The following HPSE2 variants were observed in gnomAD, a reference collection of about 807,000 sequenced individuals.
HPSE2 encodes the protein inactive heparanase-2.
Under a neutral mutation model 60.5 loss-of-function variants are expected in HPSE2, and 38 were observed. The ratio of observed to expected loss-of-function variants is 0.63; its 90% CI spans 0.48 to 0.82. HPSE2 has a LOEUF of 0.82. HPSE2 is among the 40% of genes least tolerant of loss of function. HPSE2 has a pLI of 0.00. For synonymous variants in HPSE2, 295 were observed against 293.2 expected (o/e 1.01, Z -0.06); for missense variants, 713 against 740.4 (o/e 0.96, Z 0.43).
intron 3 of HPSE2, among the ~76,000 whole-genome samples, chr10:99,016,113 G>T (rs1165417732): frequency 1.3e-5 from 2 of 152,290 alleles, no homozygotes; most frequent in East Asian, 3.9e-4. Flanking sequence ...ATCTTTGCCT[G>T]TGCCTATGTC....
chr10:98,965,170 T>C (rs1007909163), intron 3 of HPSE2, among the ~76,000 whole-genome samples: 4 of 152,180 alleles, frequency 2.6e-5, no homozygotes, highest in African/African-American at 9.7e-5. Context: ...CTGATCAAAA[T>C]AATCTTTAAT....
chr10:98,991,602 T>C (rs138891067), intron 3 of HPSE2, among the ~76,000 whole-genome samples: 2 of 152,268 alleles, frequency 1.3e-5, no homozygotes, highest in African/African-American at 4.8e-5. Flanking sequence ...GAGAAGCCAC[T>C]AACAGGTTTT....
intron 9 of HPSE2, among the ~76,000 whole-genome samples, chr10:98,509,086 C>T (rs1942298419): frequency 6.6e-6 from 1 of 152,166 alleles, no homozygotes; most frequent in South Asian, 2.1e-4. Flanking sequence ...GAGGCCGAGG[C>T]GGGTGCATCA....
chr10:99,184,647 T>C (rs1217674803), intron 2 of HPSE2, among the ~76,000 whole-genome samples: 1 of 145,978 alleles, frequency 6.9e-6, no homozygotes, highest in Non-Finnish European at 1.5e-5. Flanking sequence ...CTATAAAATG[T>C]ATAAAAGACA....
chr10:98,981,921 T>C (rs985078052), intron 3 of HPSE2, among the ~76,000 whole-genome samples: 4 of 152,116 alleles, frequency 2.6e-5, no homozygotes, highest in Non-Finnish European at 4.4e-5. Flanking sequence ...CTTGGAACAA[T>C]GCAATACCCT....
At chr10:98,461,969 T>G in intron 11 of HPSE2, 11 of 702,014 alleles carry the variant, frequency 1.6e-5, no homozygotes, top group Non-Finnish European at 2.5e-5. Flanking sequence ...GAAGATTCTC[T>G]ACTGAAATCT....
chr10:99,019,997 C>G (rs915907839), intron 3 of HPSE2, among the ~76,000 whole-genome samples: 1 of 152,058 alleles, frequency 6.6e-6, no homozygotes, highest in African/African-American at 2.4e-5. Flanking sequence ...CAGGTGTGAG[C>G]CACCGCACCG....
intron 2 of HPSE2, among the ~76,000 whole-genome samples, chr10:99,162,084 G>A (rs1488916469): frequency 6.6e-6 from 1 of 152,140 alleles, no homozygotes; most frequent in Non-Finnish European, 1.5e-5. Context: ...GCAATATGAT[G>A]AGTTCTGGAG....
chr10:99,236,113 C>A (rs770170741), upstream of HPSE2, among the ~76,000 whole-genome samples: 1 of 151,176 alleles, frequency 6.6e-6, no homozygotes, highest in Middle Eastern at 3.2e-3. Context: ...ACTCGTACAC[C>A]GGCACCGCCC....
intron 9 of HPSE2, among the ~76,000 whole-genome samples, chr10:98,567,464 T>C (rs910336278): frequency 2.6e-5 from 4 of 152,112 alleles, no homozygotes; most frequent in Non-Finnish European, 4.4e-5. Flanking sequence ...GAATTCTATG[T>C]GGGGTTTGCA....
intron 2 of HPSE2, among the ~76,000 whole-genome samples, chr10:99,207,914 A>T (rs984673303): frequency 5.9e-5 from 9 of 151,566 alleles, no homozygotes; most frequent in Non-Finnish European, 8.8e-5. Context: ...TTATACATAC[A>T]TACCTATGAT....
intron 2 of HPSE2, among the ~76,000 whole-genome samples, chr10:99,178,786 T>C (rs953868882): frequency 6.6e-6 from 1 of 152,192 alleles, no homozygotes; most frequent in Non-Finnish European, 1.5e-5. Flanking sequence ...AACATCATTC[T>C]GATACCAAAA....
At chr10:99,128,753 G>A (rs542118861) in intron 3 of HPSE2, among the ~76,000 whole-genome samples, 1 of 152,104 alleles carries the variant, frequency 6.6e-6, no homozygotes, top group East Asian at 1.9e-4. Context: ...CTAGGTGATG[G>A]GTTGATAGGC....
intron 3 of HPSE2, among the ~76,000 whole-genome samples, chr10:99,099,372 T>C (rs1444337069): frequency 2.0e-5 from 3 of 152,196 alleles, no homozygotes; most frequent in Non-Finnish European, 4.4e-5. Flanking sequence ...CAGGGACCCA[T>C]GCCCGTGGAG....
rs35772316 is a variant in HPSE2 at position 98,742,974 on chromosome 10, C to CTT, written c.784+907_784+908dup. Among the ~76,000 whole-genome samples, 69 of 99,766 alleles carry CTT rather than the reference C, an allele frequency of 6.9e-4. 1 individual carries two copies. Among genetic ancestry groups the CTT allele is most frequent in the African/African-American group, 9.3e-4 (25 of 26,876 alleles). The allele number at this position is 99,766 out of a possible 152,430, so 65.5% of individuals were successfully genotyped here. ...CTCTTCTTTTTTTTCCTTTTCTTTT[C>CTT]TTTTTTTTTTTTTTTTTTGAGATGG... is the stretch of plus-strand genomic sequence containing the variant. On this transcript the variant is annotated intron_variant, in intron 4 of 11. Coordinates refer to ENST00000370552, the MANE Select transcript of HPSE2 (RefSeq NM_021828.5).
At chr10:98,591,097 A>G (rs1357679948) in intron 9 of HPSE2, among the ~76,000 whole-genome samples, 2 of 143,278 alleles carry the variant, frequency 1.4e-5, no homozygotes, top group Admixed American at 1.5e-4. Context: ...ACATTTATTT[A>G]GATACAGGAA....
intron 3 of HPSE2, among the ~76,000 whole-genome samples, chr10:98,991,223 CA>C (rs1406392217): frequency 3.7e-4 from 56 of 152,158 alleles, no homozygotes; most frequent in African/African-American, 1.3e-3. Flanking sequence ...GCTAAACAAG[CA>C]TAAAATGTGA....
intron 3 of HPSE2, among the ~76,000 whole-genome samples, chr10:98,856,931 C>T (rs1010385102): frequency 6.6e-6 from 1 of 152,174 alleles, no homozygotes; most frequent in African/African-American, 2.4e-5. Flanking sequence ...CTGGCCAACA[C>T]TCAGTGACCC....
At chr10:99,202,113 A>G (rs539670074) in intron 2 of HPSE2, among the ~76,000 whole-genome samples, 2 of 152,366 alleles carry the variant, frequency 1.3e-5, no homozygotes, top group Non-Finnish European at 2.9e-5. Context: ...ATATATAGAT[A>G]GATAGAGATA....
Sources: allele counts gnomAD v4.1 joint callset (sites outside exome capture counted in the v4.1 genomes callset), GRCh38; gene constraint gnomAD v4.1.1; transcripts MANE v1.5; gene names NCBI Gene and HGNC (gene_info 2026-07-23, HGNC 2026-07-21).